RALGPS2: variants seen among roughly 807,000 people sequenced by gnomAD.
RALGPS2 encodes Ral GEF with PH domain and SH3 binding motif 2.
A neutral mutation model predicts 86.8 loss-of-function variants in RALGPS2; 43 were observed. That is an observed-to-expected ratio of 0.50 (90% confidence interval 0.39 to 0.64). The LOEUF (loss-of-function observed/expected upper bound fraction) is 0.64. RALGPS2 is among the 30% of genes least tolerant of loss of function. The pLI is 0.00. For synonymous variants in RALGPS2, 243 were observed against 231.3 expected (o/e 1.05, Z -0.46); for missense variants, 536 against 694.6 (o/e 0.77, Z 2.57).
intron 13 of RALGPS2, 27 bp from the exon 14 acceptor site, chr1:178,889,615 A>G: frequency 6.6e-7 from 1 of 1,525,368 alleles, no homozygotes; most frequent in Non-Finnish European, 9.1e-7. Flanking sequence ...TCTGATGTTT[A>G]AAAAATAGGA....
intron 1 of RALGPS2, among the ~76,000 whole-genome samples, chr1:178,774,677 G>A (rs1652990343): frequency 6.6e-6 from 1 of 152,200 alleles, no homozygotes; most frequent in Non-Finnish European, 1.5e-5. Context: ...TTAGATGGGA[G>A]GAAATTGTTT....
At chr1:178,803,903 CAT>C (rs967478717) in intron 4 of RALGPS2, among the ~76,000 whole-genome samples, 6 of 152,148 alleles carry the variant, frequency 3.9e-5, no homozygotes, top group African/African-American at 9.7e-5. Context: ...GCTTACATCA[CAT>C]GAGTCCAATT....
intron 4 of RALGPS2, among the ~76,000 whole-genome samples, chr1:178,806,366 A>C (rs1303560149): frequency 6.6e-6 from 1 of 152,130 alleles, no homozygotes; most frequent in Non-Finnish European, 1.5e-5. Context: ...TGCTATTAAG[A>C]TATCTGATAC....
intron 4 of RALGPS2, among the ~76,000 whole-genome samples, chr1:178,801,787 G>A (rs1045029715): frequency 1.6e-5 from 2 of 123,942 alleles, no homozygotes. Flanking sequence ...CACACCAGAG[G>A]AATTAACAAA....
At chr1:178,850,272 A>G (rs1301618434) in intron 8 of RALGPS2, 1 of 152,574 alleles carries the variant, frequency 6.6e-6, no homozygotes, top group African/African-American at 2.4e-5. Context: ...TAGTAGTAAG[A>G]TCAGTAAATT....
chr1:178,758,266 C>A (rs1052589650), intron 1 of RALGPS2, among the ~76,000 whole-genome samples: 2 of 151,736 alleles, frequency 1.3e-5, no homozygotes, highest in African/African-American at 4.8e-5. Flanking sequence ...ATTTTTAATT[C>A]TTGGGGGTAT....
rs1003746681 is a variant in RALGPS2 at position 178,919,154 on chromosome 1, T to G, written c.*2795T>G. On this transcript the variant is annotated 3_prime_UTR_variant, in exon 20 of 20. Transcript: ENST00000367635. ...TGCTTGTTTTTCAGAATATGATTTT[T>G]ACCTCCAGACAGTAAGAATTGAACA... 6.6e-6 allele frequency: 1 copy of G among 152,082 alleles called. No individual in the cohort carries two copies. The highest frequency in any genetic ancestry group is 2.4e-5 in the African/African-American group (1 of 41,452). The allele number at this position is 152,082 out of a possible 1,614,324, so 9.4% of individuals were successfully genotyped here.
At position 178,821,537 on chromosome 1, in the gene RALGPS2, CTTGT is replaced by C; in HGVS notation, c.388-73_388-70del. On this transcript the variant is annotated intron_variant, in intron 6 of 19. Transcript: ENST00000367635. ...AACACTACCAGTTGCCAAGATTGTA[CTTGT>C]TAGTCTAAATTTTCTTGTATTCATG... is the stretch of plus-strand genomic sequence containing the variant. 35 of 1,114,250 alleles carry C rather than the reference CTTGT, an allele frequency of 3.1e-5. 1 individual carries two copies. The South Asian group carries it at 4.7e-4, about 15-fold the overall frequency. 69.0% of individuals were successfully genotyped at this position (1,114,250 alleles called of 1,614,324 possible).
At chr1:178,904,024 A>AT (rs945790909) in intron 18 of RALGPS2, among the ~76,000 whole-genome samples, 1 of 151,422 alleles carries the variant, frequency 6.6e-6, no homozygotes, top group East Asian at 1.9e-4. Flanking sequence ...CTGTTTTTTT[A>AT]TTTTTTTTAT....
At chr1:178,822,498 A>G (rs569088255) in intron 7 of RALGPS2, among the ~76,000 whole-genome samples, 8 of 147,194 alleles carry the variant, frequency 5.4e-5, no homozygotes, top group Non-Finnish European at 1.2e-4. Flanking sequence ...TGACTTTTTA[A>G]AACTTTATTA....
intron 5 of RALGPS2, among the ~76,000 whole-genome samples, chr1:178,810,023 G>A (rs1032587567): frequency 1.3e-5 from 2 of 151,974 alleles, no homozygotes; most frequent in African/African-American, 4.8e-5. Flanking sequence ...GAGACAGGAG[G>A]ATCACTTGAG....
At chr1:178,873,743 T>G (rs12747722) in intron 8 of RALGPS2, among the ~76,000 whole-genome samples, 2,135 of 152,336 alleles carry the variant, frequency 0.014, 22 homozygotes, top group Non-Finnish European at 0.025. Flanking sequence ...TGTCACACAT[T>G]AGCTTGTTCT....
intron 1 of RALGPS2, among the ~76,000 whole-genome samples, chr1:178,751,867 GTGT>G (rs1651699521): frequency 6.6e-6 from 1 of 152,280 alleles, no homozygotes; most frequent in Non-Finnish European, 1.5e-5. Flanking sequence ...GTTGTTATAG[GTGT>G]TGTTACTTTT....
At chr1:178,861,450 G>GT (rs547749109) in intron 8 of RALGPS2, among the ~76,000 whole-genome samples, 4,123 of 144,270 alleles carry the variant, frequency 0.029, 55 homozygotes, top group Middle Eastern at 0.05. Flanking sequence ...GCATTCGTGG[G>GT]TTTTTTTTTT....
intron 6 of RALGPS2, among the ~76,000 whole-genome samples, chr1:178,818,632 C>T (rs1655349271): frequency 6.7e-6 from 1 of 148,186 alleles, no homozygotes; most frequent in East Asian, 1.9e-4. Context: ...TCAGTGGACA[C>T]AGAGCCAACT....
intron 7 of RALGPS2, 127 bp from the exon 8 acceptor site, chr1:178,833,297 T>C (rs1000267229): frequency 1.1e-6 from 1 of 882,082 alleles, no homozygotes; most frequent in African/African-American, 1.8e-5. Flanking sequence ...ACTACCAAGA[T>C]ATAATTAAAG....
rs527490837 is a variant in RALGPS2 at position 178,853,906 on chromosome 1, T to C, written c.607+20356T>C. ...TTTACAGTTACCATTGTTTATCATA[T>C]ATACAATATTATAAAATATAACTAA... is the stretch of plus-strand genomic sequence containing the variant. On this transcript the variant is annotated intron_variant, in intron 8 of 19. Coordinates refer to ENST00000367635, the MANE Select transcript of RALGPS2 (RefSeq NM_152663.5). 13 of 596,308 alleles carry C rather than the reference T, an allele frequency of 2.2e-5. 1 individual carries two copies. In the South Asian group the frequency reaches 3.2e-4, roughly 15 times the overall value. The allele number at this position is 596,308 out of a possible 1,614,324, so 36.9% of individuals were successfully genotyped here.
intron 1 of RALGPS2, among the ~76,000 whole-genome samples, chr1:178,741,647 C>A (rs116717776): frequency 6.6e-6 from 1 of 151,926 alleles, no homozygotes; most frequent in African/African-American, 2.4e-5. Context: ...CTAACACAAT[C>A]CTGTGAAACA....
At position 178,795,857 on chromosome 1, in the gene RALGPS2, C is replaced by A. The variant is rs979278799; in HGVS notation, c.213+10250C>A. ...TCCAAAGTTCCAGCATCAGGAATAT[C>A]ATAATTCTATCCTTGTTTTAATGAA... On this transcript the variant is annotated intron_variant, in intron 4 of 19. Coordinates refer to ENST00000367635, the MANE Select transcript of RALGPS2 (RefSeq NM_152663.5). 2.0e-5 allele frequency among the ~76,000 whole-genome samples: 3 copies of A among 152,132 alleles called. No homozygotes were observed. In the East Asian group the frequency reaches 5.8e-4, roughly 29 times the overall value.
Sources: gnomAD v4.1 joint callset for allele counts (sites outside exome capture counted in the v4.1 genomes callset) on GRCh38, gnomAD v4.1.1 for gene constraint, MANE v1.5 for transcripts, NCBI Gene and HGNC (gene_info 2026-07-23, HGNC 2026-07-21) for gene names.